OR10J1: variants seen among roughly 807,000 people sequenced by gnomAD.
OR10J1 encodes the protein olfactory receptor family 10 subfamily J member 1.
For synonymous variants in OR10J1, 202 were observed against 143.8 expected, an observed-to-expected ratio of 1.40 and a Z score of -2.89; for missense variants, 474 against 376.6, an observed-to-expected ratio of 1.26 and a Z score of -2.14.
the OR10J1 span, among the ~76,000 whole-genome samples, chr1:159,417,915 G>A: frequency 6.6e-6 from 1 of 152,148 alleles, no homozygotes; most frequent in African/African-American, 2.4e-5. Flanking sequence ...AAACCTGTTG[G>A]GAACTGGAGT....
the OR10J1 span, among the ~76,000 whole-genome samples, chr1:159,416,798 T>C: frequency 1.3e-5 from 2 of 152,096 alleles, no homozygotes; most frequent in Non-Finnish European, 2.9e-5. Context: ...TTCTTCCTGA[T>C]TCAAGTCTTG....
At chr1:159,439,104 A>C (rs1291328633), upstream of OR10J1, among the ~76,000 whole-genome samples, 1 of 152,212 alleles carries the variant, frequency 6.6e-6, no homozygotes, top group East Asian at 1.9e-4. Flanking sequence ...TCACTCAGAC[A>C]GAAGTGGGGA....
chr1:159,412,769 A>T, the OR10J1 span, among the ~76,000 whole-genome samples: 1 of 151,836 alleles, frequency 6.6e-6, no homozygotes, highest in African/African-American at 2.4e-5. Flanking sequence ...TTCAGGACAT[A>T]GGGATGGGCA....
At chr1:159,429,774 C>T in the OR10J1 span, among the ~76,000 whole-genome samples, 1 of 152,010 alleles carries the variant, frequency 6.6e-6, no homozygotes, top group South Asian at 2.1e-4. Flanking sequence ...TGCAGGAGAG[C>T]CTGGTGCTGC....
chr1:159,420,816 C>T, the OR10J1 span, among the ~76,000 whole-genome samples: 3 of 151,960 alleles, frequency 2.0e-5, no homozygotes, highest in African/African-American at 7.2e-5. Context: ...TTTTCTCTTG[C>T]TGTTCTTAGA....
the OR10J1 span, among the ~76,000 whole-genome samples, chr1:159,430,640 G>GGGGTGT: frequency 7.8e-3 from 1,094 of 140,924 alleles, 14 homozygotes; most frequent in African/African-American, 0.027. Context: ...AAAAAATTAT[G>GGGGTGT]GTGTGTGTGT....
At chr1:159,405,503 T>A in the OR10J1 span, 1 of 257,388 alleles carries the variant, frequency 3.9e-6, no homozygotes, top group East Asian at 8.4e-5. Context: ...TTCCTCAAGA[T>A]CTACATGACA....
At chr1:159,423,474 C>T in the OR10J1 span, among the ~76,000 whole-genome samples, 2 of 152,288 alleles carry the variant, frequency 1.3e-5, no homozygotes, top group African/African-American at 4.8e-5. Context: ...AAAGAGCAGG[C>T]AGGCATACTG....
At chr1:159,417,010 T>C in the OR10J1 span, among the ~76,000 whole-genome samples, 1 of 152,092 alleles carries the variant, frequency 6.6e-6, no homozygotes, top group East Asian at 1.9e-4. Flanking sequence ...ATTGATTTTG[T>C]TTATCTATTA....
At chr1:159,404,923 G>A in the OR10J1 span, among the ~76,000 whole-genome samples, 11 of 152,264 alleles carry the variant, frequency 7.2e-5, no homozygotes, top group Non-Finnish European at 1.5e-4. Context: ...ATAAAGCGAT[G>A]TACAAACATA....
Position 159,440,361 on chromosome 1 carries a change from C to A in OR10J1, c.570C>A (p.Asp190Glu). The change falls in exon 1 of 1, where the codon GAC becomes GAA. Residue 190 changes from aspartate (D) to glutamate (E), a missense_variant. Transcript: ENST00000423932. ...IRPVMKLSCI[D>E]TTVNEILTLI... ...CTGTGATGAAGCTCTCCTGCATTGA[C>A]ACCACTGTCAATGAAATCCTGACTT... The A allele has an allele frequency of 6.2e-7, 1 of 1,614,196 alleles. No individual in the cohort carries two copies. Among genetic ancestry groups the A allele is most frequent in the Non-Finnish European group, 8.5e-7 (1 of 1,180,028 alleles).
chr1:159,439,672 A>T, upstream of OR10J1: 1 of 1,229,100 alleles, frequency 8.1e-7, no homozygotes. Context: ...TAGGAAATAC[A>T]TCACCAGATT....
the OR10J1 span, among the ~76,000 whole-genome samples, chr1:159,430,122 G>GA: frequency 6.6e-6 from 1 of 151,564 alleles, no homozygotes. Flanking sequence ...TTATCAAGTG[G>GA]AAAAAATGAA....
upstream of OR10J1, among the ~76,000 whole-genome samples, chr1:159,435,680 C>T (rs1655717802): frequency 6.6e-6 from 1 of 152,088 alleles, no homozygotes; most frequent in African/African-American, 2.4e-5. Context: ...ATCCGGGGCC[C>T]TGAAAGACTC....
chr1:159,424,993 G>A, the OR10J1 span, among the ~76,000 whole-genome samples: 8 of 152,062 alleles, frequency 5.3e-5, no homozygotes, highest in African/African-American at 1.2e-4. Flanking sequence ...AAAACACATC[G>A]TGTTAAAAGA....
the OR10J1 span, among the ~76,000 whole-genome samples, chr1:159,409,939 G>A: frequency 2.0e-5 from 3 of 152,170 alleles, no homozygotes; most frequent in South Asian, 2.1e-4. Flanking sequence ...GGCCTTTTCT[G>A]CATCTATTGA....
At chr1:159,424,161 A>G in the OR10J1 span, among the ~76,000 whole-genome samples, 1 of 151,588 alleles carries the variant, frequency 6.6e-6, no homozygotes, top group South Asian at 2.1e-4. Flanking sequence ...GGTTGTATTG[A>G]GCAGAGATCA....
At chr1:159,416,662 T>C in the OR10J1 span, among the ~76,000 whole-genome samples, 1 of 152,064 alleles carries the variant, frequency 6.6e-6, no homozygotes, top group Non-Finnish European at 1.5e-5. Flanking sequence ...TTGATGTTAG[T>C]TCCTTTTTGA....
At chr1:159,410,276 C>A in the OR10J1 span, among the ~76,000 whole-genome samples, 3 of 152,112 alleles carry the variant, frequency 2.0e-5, no homozygotes, top group Admixed American at 1.3e-4. Flanking sequence ...AGGAATGGTA[C>A]CAGTTCCTCC....
Sources: gnomAD v4.1 joint callset for allele counts (sites outside exome capture counted in the v4.1 genomes callset) on GRCh38, gnomAD v4.1.1 for gene constraint, MANE v1.5 for transcripts, NCBI Gene and HGNC (gene_info 2026-07-23, HGNC 2026-07-21) for gene names.